Variants in CSMD3 observed in about 807,000 individuals in gnomAD.
The protein encoded by CSMD3 is CUB and Sushi multiple domains 3.
A neutral mutation model predicts 435.2 loss-of-function variants in CSMD3; 177 were observed. The ratio of observed to expected loss-of-function variants is 0.41; its 90% CI spans 0.36 to 0.46. The LOEUF is 0.46. CSMD3 is among the 20% of genes least tolerant of loss of function. CSMD3 has a pLI of 0.34. For synonymous variants in CSMD3, 1,656 were observed against 1,520.5 expected, an observed-to-expected ratio of 1.09 and a Z score of -2.07; for missense variants, 4,265 against 4,504.6, an observed-to-expected ratio of 0.95 and a Z score of 1.52.
intron 32 of CSMD3, among the ~76,000 whole-genome samples, chr8:112,463,396 C>T (rs1345573447): frequency 6.6e-6 from 1 of 152,068 alleles, no homozygotes; most frequent in Non-Finnish European, 1.5e-5. Context: ...AAACCAACTG[C>T]AGAGTGACTA....
intron 45 of CSMD3, among the ~76,000 whole-genome samples, chr8:112,321,469 A>C (rs1413413649): frequency 6.6e-6 from 1 of 152,176 alleles, no homozygotes; most frequent in Non-Finnish European, 1.5e-5. Context: ...AGTTCTGAAG[A>C]GTGATCCTGG....
chr8:112,978,817 C>A (rs903271610), intron 6 of CSMD3, among the ~76,000 whole-genome samples: 11 of 151,910 alleles, frequency 7.2e-5, no homozygotes, highest in Non-Finnish European at 4.4e-5. Flanking sequence ...ATATTGATTT[C>A]ACTGCTGAAT....
At chr8:112,733,380 G>GTT (rs200334785) in intron 13 of CSMD3, among the ~76,000 whole-genome samples, 38 of 148,088 alleles carry the variant, frequency 2.6e-4, no homozygotes, top group East Asian at 7.9e-4. Flanking sequence ...GTGCTTGTTA[G>GTT]TTTTTTTTTT....
At chr8:112,976,797 G>C (rs2084864982) in intron 6 of CSMD3, among the ~76,000 whole-genome samples, 1 of 151,886 alleles carries the variant, frequency 6.6e-6, no homozygotes, top group Non-Finnish European at 1.5e-5. Context: ...TAATATTTTA[G>C]TTTAACCAAT....
chr8:112,741,530 A>C (rs1391958616), intron 13 of CSMD3, among the ~76,000 whole-genome samples: 1 of 151,898 alleles, frequency 6.6e-6, no homozygotes. Context: ...GTGAATAGTG[A>C]AGCCACCATG....
At chr8:112,288,253 C>T (rs1586661583) in intron 57 of CSMD3, among the ~76,000 whole-genome samples, 1 of 113,480 alleles carries the variant, frequency 8.8e-6, no homozygotes. Flanking sequence ...TCCTAATTTC[C>T]TAATACATTG....
intron 31 of CSMD3, among the ~76,000 whole-genome samples, chr8:112,473,863 C>A (rs207469724): frequency 6.6e-6 from 1 of 151,670 alleles, no homozygotes; most frequent in African/African-American, 2.4e-5. Context: ...TCTTGCAGAG[C>A]ACACTGTCTG....
At chr8:112,860,552 G>A (rs1030588448) in intron 10 of CSMD3, among the ~76,000 whole-genome samples, 20 of 151,130 alleles carry the variant, frequency 1.3e-4, no homozygotes, top group African/African-American at 4.6e-4. Flanking sequence ...AAATATTTCA[G>A]TCTGATTCTC....
intron 11 of CSMD3, among the ~76,000 whole-genome samples, chr8:112,848,357 C>T (rs1161561607): frequency 2.0e-5 from 3 of 152,102 alleles, no homozygotes; most frequent in Non-Finnish European, 4.4e-5. Context: ...TCATCTTAGA[C>T]TGTGCTGTAT....
intron 4 of CSMD3, among the ~76,000 whole-genome samples, chr8:113,106,338 A>T (rs1588084034): frequency 6.6e-6 from 1 of 152,118 alleles, no homozygotes. Context: ...AAAAAAAAAT[A>T]CTCAATGGGC....
At chr8:113,276,002 T>A (rs1434047156) in intron 3 of CSMD3, among the ~76,000 whole-genome samples, 1 of 152,058 alleles carries the variant, frequency 6.6e-6, no homozygotes, top group Non-Finnish European at 1.5e-5. Context: ...AGACAGATTT[T>A]GTAATTCCAA....
At chr8:113,340,274 AC>A (rs1484692532) in intron 1 of CSMD3, among the ~76,000 whole-genome samples, 2 of 152,104 alleles carry the variant, frequency 1.3e-5, no homozygotes, top group Admixed American at 1.3e-4. Context: ...CACCTCCTGA[AC>A]AAAAAATGAG....
chr8:113,228,649 C>T (rs1008816971), intron 3 of CSMD3, among the ~76,000 whole-genome samples: 4 of 151,438 alleles, frequency 2.6e-5, no homozygotes, highest in African/African-American at 9.7e-5. Context: ...TCTAATCCTC[C>T]CACCTCCCAC....
chr8:112,725,838 A>T (rs112545066), intron 13 of CSMD3, among the ~76,000 whole-genome samples: 1 of 151,982 alleles, frequency 6.6e-6, no homozygotes, highest in African/African-American at 2.4e-5. Context: ...GGTGAAATGA[A>T]ACATAGACAT....
intron 20 of CSMD3, among the ~76,000 whole-genome samples, chr8:112,640,855 C>T (rs2074804090): frequency 6.6e-6 from 1 of 151,942 alleles, no homozygotes; most frequent in Non-Finnish European, 1.5e-5. Flanking sequence ...AATAGTTAGA[C>T]AATAGGAGAG....
chr8:113,000,923 A>G (rs2085838746), intron 6 of CSMD3, among the ~76,000 whole-genome samples: 1 of 152,032 alleles, frequency 6.6e-6, no homozygotes, highest in Admixed American at 6.6e-5. Flanking sequence ...CAGTCCACAG[A>G]GAAGGCATTC....
chr8:113,030,442 A>AT (rs2087054996), intron 5 of CSMD3, among the ~76,000 whole-genome samples: 4 of 149,504 alleles, frequency 2.7e-5, no homozygotes, highest in African/African-American at 9.7e-5. Context: ...AAAAAAAAAA[A>AT]AAAGATAAGC....
intron 13 of CSMD3, among the ~76,000 whole-genome samples, chr8:112,690,660 G>T (rs1232141951): frequency 6.8e-6 from 1 of 146,310 alleles, no homozygotes; most frequent in Admixed American, 7.0e-5. Flanking sequence ...ACTCAGCTAT[G>T]TTCCTTAATA....
intron 27 of CSMD3, among the ~76,000 whole-genome samples, chr8:112,545,496 A>AT (rs1563685049): frequency 5.9e-4 from 84 of 141,982 alleles, no homozygotes; most frequent in African/African-American, 1.9e-3. Context: ...AAAAAAAAAA[A>AT]AAAAAAATAA....
Sources: allele counts gnomAD v4.1 joint callset (sites outside exome capture counted in the v4.1 genomes callset), GRCh38; gene constraint gnomAD v4.1.1; transcripts MANE v1.5; gene names NCBI Gene and HGNC (gene_info 2026-07-23, HGNC 2026-07-21).